The following RPS6KC1 variants were observed in gnomAD, a reference collection of about 807,000 sequenced individuals.
RPS6KC1 encodes ribosomal protein S6 kinase C1.
RPS6KC1 carries 54 observed loss-of-function variants against 103.8 expected under a neutral mutation model. The ratio of observed to expected loss-of-function variants is 0.52; its 90% CI spans 0.42 to 0.65. The LOEUF is 0.65. RPS6KC1 is among the 30% of genes least tolerant of loss of function. RPS6KC1 has a pLI of 0.00. For missense variants in RPS6KC1, 1,151 were observed against 1,253.8 expected, an observed-to-expected ratio of 0.92 and a Z score of 1.24; for synonymous variants, 439 against 438.7, an observed-to-expected ratio of 1.00 and a Z score of -0.01.
chr1:213,794,011 C>T, the RPS6KC1 span, among the ~76,000 whole-genome samples: 6 of 152,102 alleles, frequency 3.9e-5, no homozygotes, highest in East Asian at 9.7e-4. Context: ...AGAAAAGCGA[C>T]GAGATTAGAA....
intron 3 of RPS6KC1, among the ~76,000 whole-genome samples, chr1:213,090,261 T>C (rs1217831867): frequency 1.3e-5 from 2 of 152,248 alleles, no homozygotes; most frequent in Non-Finnish European, 2.9e-5. Flanking sequence ...TTTTTTCTTG[T>C]GTTCTAAAAG....
At chr1:213,635,081 G>A in the RPS6KC1 span, among the ~76,000 whole-genome samples, 3 of 152,092 alleles carry the variant, frequency 2.0e-5, no homozygotes, top group African/African-American at 7.2e-5. Context: ...GGAAGAAATT[G>A]AATCTCTGAA....
At chr1:213,323,648 A>G in the RPS6KC1 span, among the ~76,000 whole-genome samples, 1 of 152,030 alleles carries the variant, frequency 6.6e-6, no homozygotes, top group African/African-American at 2.4e-5. Context: ...ATAAATTCCT[A>G]CTTTTTCCTG....
chr1:213,256,053 CCAATT>C (rs1311146523), intron 12 of RPS6KC1, among the ~76,000 whole-genome samples: 5,890 of 152,200 alleles, frequency 0.039, 335 homozygotes, highest in African/African-American at 0.13. Flanking sequence ...CCATGAAAAA[CCAATT>C]TACCTTTTTA....
At chr1:213,193,322 T>A (rs1208858529) in intron 8 of RPS6KC1, among the ~76,000 whole-genome samples, 1 of 152,172 alleles carries the variant, frequency 6.6e-6, no homozygotes, top group Non-Finnish European at 1.5e-5. Flanking sequence ...GCAGTTGCAC[T>A]ATCTTGGCTC....
chr1:213,168,086 T>A (rs997485411), intron 7 of RPS6KC1, 113 bp downstream of exon 7: 2 of 593,530 alleles, frequency 3.4e-6, no homozygotes, highest in African/African-American at 3.8e-5. Flanking sequence ...ATTTTATTAA[T>A]GATTTTCATA....
chr1:213,556,386 T>G, the RPS6KC1 span, among the ~76,000 whole-genome samples: 1 of 152,204 alleles, frequency 6.6e-6, no homozygotes, highest in Non-Finnish European at 1.5e-5. Flanking sequence ...GTACATTATT[T>G]AAGTGTCTAG....
the RPS6KC1 span, among the ~76,000 whole-genome samples, chr1:213,300,307 G>A: frequency 2.6e-5 from 4 of 152,146 alleles, no homozygotes; most frequent in African/African-American, 9.7e-5. Flanking sequence ...GGTGCCTAAT[G>A]GCCACTGGCA....
the RPS6KC1 span, among the ~76,000 whole-genome samples, chr1:213,480,386 T>G: frequency 2.6e-5 from 4 of 152,112 alleles, no homozygotes; most frequent in African/African-American, 9.6e-5. Context: ...TTGATGCAAT[T>G]GTGAATTCTG....
intron 12 of RPS6KC1, among the ~76,000 whole-genome samples, chr1:213,258,375 G>C (rs1434113345): frequency 1.3e-5 from 2 of 152,172 alleles, no homozygotes; most frequent in Non-Finnish European, 2.9e-5. Context: ...TACACTGCTT[G>C]TGATATGATT....
the RPS6KC1 span, among the ~76,000 whole-genome samples, chr1:213,777,613 G>A: frequency 5.3e-5 from 8 of 152,098 alleles, no homozygotes; most frequent in African/African-American, 1.9e-4. Flanking sequence ...TTAATGCAAG[G>A]TTGCCACAAA....
chr1:213,217,155 A>C (rs958617412), intron 8 of RPS6KC1, among the ~76,000 whole-genome samples: 15 of 151,722 alleles, frequency 9.9e-5, no homozygotes, highest in African/African-American at 2.7e-4. Flanking sequence ...AGAGAGAAGA[A>C]TCAAATAGAC....
the RPS6KC1 span, among the ~76,000 whole-genome samples, chr1:213,808,580 G>A: frequency 1.3e-5 from 2 of 152,336 alleles, no homozygotes; most frequent in East Asian, 1.9e-4. Flanking sequence ...AGGACCCTCC[G>A]AGCCAGGTGC....
chr1:213,216,698 G>C (rs2093673409), intron 8 of RPS6KC1, among the ~76,000 whole-genome samples: 1 of 152,182 alleles, frequency 6.6e-6, no homozygotes, highest in African/African-American at 2.4e-5. Context: ...AATCAAGCTA[G>C]AACTCAGGAT....
chr1:213,364,045 G>GA, the RPS6KC1 span, among the ~76,000 whole-genome samples: 1 of 152,182 alleles, frequency 6.6e-6, no homozygotes, highest in African/African-American at 2.4e-5. Flanking sequence ...AGTGTTTTCA[G>GA]TAGAGGGCTA....
rs186623158 is a variant in RPS6KC1, at chr1:213,161,609, C to T, written c.836-6249C>T. ...GTGCTGGGATTACAGGTGTGACCCACTGCACCTGCCCTCATTCTTTGAATC... is the reference window on the plus strand; with the variant it reads ...GTGCTGGGATTACAGGTGTGACCCATTGCACCTGCCCTCATTCTTTGAATC... On this transcript the variant is annotated intron_variant, in intron 6 of 14. Transcript: ENST00000366960. Among the ~76,000 whole-genome samples the T allele has an allele frequency of 4.6e-5, 7 of 152,358 alleles. No homozygotes were observed. The East Asian group carries it at 1.3e-3, about 29-fold the overall frequency.
chr1:213,292,213 C>T, the RPS6KC1 span, among the ~76,000 whole-genome samples: 2 of 151,654 alleles, frequency 1.3e-5, no homozygotes, highest in African/African-American at 4.9e-5. Flanking sequence ...AACTAACCTG[C>T]ACATTGTGCA....
the RPS6KC1 span, among the ~76,000 whole-genome samples, chr1:213,776,291 G>A: frequency 2.0e-5 from 3 of 152,168 alleles, no homozygotes; most frequent in Admixed American, 2.0e-4. Flanking sequence ...CTCTGTGGCA[G>A]CTATACCCTC....
chr1:213,063,312 A>G (rs773711052), intron 1 of RPS6KC1, among the ~76,000 whole-genome samples: 1 of 152,238 alleles, frequency 6.6e-6, no homozygotes, highest in Non-Finnish European at 1.5e-5. Flanking sequence ...TTAATCTTGA[A>G]GAGAGCCAAT....
Sources: allele counts gnomAD v4.1 joint callset (sites outside exome capture counted in the v4.1 genomes callset), GRCh38; gene constraint gnomAD v4.1.1; transcripts MANE v1.5; gene names NCBI Gene and HGNC (gene_info 2026-07-23, HGNC 2026-07-21).